EML4: variants seen among roughly 807,000 people sequenced by gnomAD.
EML4 encodes the protein EMAP like 4.
In EML4, 72 loss-of-function variants were observed where a neutral mutation model predicts 129.0. The ratio of observed to expected loss-of-function variants is 0.56; its 90% confidence interval spans 0.46 to 0.68. The LOEUF is 0.68. Among genes scored for constraint, EML4 ranks in the 30% least tolerant of loss-of-function variants. The pLI is 0.00. For missense variants in EML4, 1,363 were observed against 1,190.6 expected (o/e 1.14, Z -2.13); for synonymous variants, 532 against 405.0 (o/e 1.31, Z -3.77).
At chr2:42,210,670 A>G (rs1047648732) in intron 1 of EML4, among the ~76,000 whole-genome samples, 3 of 151,980 alleles carry the variant, frequency 2.0e-5, no homozygotes, top group African/African-American at 7.3e-5. Flanking sequence ...TTCAGTATGG[A>G]CTCATGGATA....
At chr2:42,247,064 A>G (rs1675452326) in intron 2 of EML4, among the ~76,000 whole-genome samples, 1 of 152,230 alleles carries the variant, frequency 6.6e-6, no homozygotes, top group South Asian at 2.1e-4. Flanking sequence ...GTTGAAGGCC[A>G]GTTTTAATTA....
chr2:42,280,400 T>A, intron 6 of EML4, among the ~76,000 whole-genome samples: 1 of 152,266 alleles, frequency 6.6e-6, no homozygotes. Flanking sequence ...TGTAATGTAG[T>A]TGGCCCTCTG....
chr2:42,263,985 T>A (rs773177714), intron 5 of EML4, among the ~76,000 whole-genome samples: 1 of 152,172 alleles, frequency 6.6e-6, no homozygotes, highest in Non-Finnish European at 1.5e-5. Context: ...TGCCTTGGCC[T>A]GCCAAAGTGC....
chr2:42,260,593 T>C (rs1665669040), intron 3 of EML4, among the ~76,000 whole-genome samples: 1 of 152,248 alleles, frequency 6.6e-6, no homozygotes, highest in Non-Finnish European at 1.5e-5. Flanking sequence ...ATTCTCTTTG[T>C]ATTTAATTAA....
chr2:42,264,904 T>G, intron 6 of EML4, 173 bp downstream of exon 6: 1 of 1,550,242 alleles, frequency 6.5e-7, no homozygotes, highest in Non-Finnish European at 8.7e-7. Flanking sequence ...GTAATGTCAT[T>G]TTTGTCTCAA....
At chr2:42,328,197 A>G (rs1380297588) in intron 21 of EML4, among the ~76,000 whole-genome samples, 1 of 152,236 alleles carries the variant, frequency 6.6e-6, no homozygotes, top group Non-Finnish European at 1.5e-5. Flanking sequence ...TCTCTAGAGT[A>G]GCATTCAACC....
chr2:42,202,593 T>C (rs1375335420), intron 1 of EML4, among the ~76,000 whole-genome samples: 2 of 152,312 alleles, frequency 1.3e-5, no homozygotes, highest in East Asian at 3.9e-4. Context: ...ACTTGGAGTC[T>C]GATGTTTGAG....
At chr2:42,284,827 A>G in intron 9 of EML4, 124 bp downstream of exon 9, 1 of 575,050 alleles carries the variant, frequency 1.7e-6, no homozygotes, top group Non-Finnish European at 2.9e-6. Context: ...AGGAATTTCT[A>G]GTATAAGCAT....
intron 2 of EML4, among the ~76,000 whole-genome samples, chr2:42,254,643 T>A: frequency 6.7e-6 from 1 of 148,520 alleles, no homozygotes. Flanking sequence ...AACCTGAAAA[T>A]AACAAGTGTT....
intron 1 of EML4, among the ~76,000 whole-genome samples, chr2:42,182,526 G>C (rs1187240083): frequency 6.6e-6 from 1 of 152,060 alleles, no homozygotes; most frequent in Non-Finnish European, 1.5e-5. Flanking sequence ...TTACACACTT[G>C]CCTTGCACTG....
intron 3 of EML4, among the ~76,000 whole-genome samples, chr2:42,260,139 A>G (rs1252847180): frequency 6.6e-6 from 1 of 151,622 alleles, no homozygotes; most frequent in Non-Finnish European, 1.5e-5. Context: ...TACTGGGATT[A>G]CAGGTGTGAG....
chr2:42,191,675 AT>A (rs1484858991), intron 1 of EML4, among the ~76,000 whole-genome samples: 1 of 152,234 alleles, frequency 6.6e-6, no homozygotes, highest in African/African-American at 2.4e-5. Context: ...ATTTAATTTT[AT>A]GCTCTTTTCA....
At chr2:42,212,135 C>T (rs72796530) in intron 1 of EML4, among the ~76,000 whole-genome samples, 10,286 of 152,144 alleles carry the variant, frequency 0.068, 432 homozygotes, top group South Asian at 0.15. Flanking sequence ...TGTGAGCTAC[C>T]GTGCCTGATC....
At chr2:42,319,459 T>C (rs554863903) in intron 19 of EML4, 4 of 152,366 alleles carry the variant, frequency 2.6e-5, no homozygotes, top group African/African-American at 9.6e-5. Flanking sequence ...AAGTTTGCAG[T>C]ACCGTTTGAG....
intron 13 of EML4, among the ~76,000 whole-genome samples, chr2:42,296,724 G>A (rs967302301): frequency 2.0e-5 from 3 of 152,154 alleles, no homozygotes; most frequent in African/African-American, 4.8e-5. Flanking sequence ...AGGAGTAAAA[G>A]TTGAGTAGTA....
intron 1 of EML4, among the ~76,000 whole-genome samples, chr2:42,224,302 G>A (rs566113641): frequency 1.7e-4 from 26 of 152,216 alleles, no homozygotes; most frequent in Middle Eastern, 3.4e-3. Context: ...GAATCATACA[G>A]TATGTAGTCT....
Position 42,332,032 on chromosome 2 carries a change from C to T in EML4, c.*1825C>T, listed in dbSNP as rs942557284. 1 of 222,452 alleles carries T rather than the reference C, an allele frequency of 4.5e-6. No homozygotes were observed. Among genetic ancestry groups the T allele is most frequent in the African/African-American group, 2.2e-5 (1 of 44,704 alleles). 13.8% of individuals were successfully genotyped at this position (222,452 alleles called of 1,614,324 possible). On this transcript the variant is annotated 3_prime_UTR_variant, in exon 23 of 23. Transcript: ENST00000318522. ...TTCTGTACATACTTATCGGAGCGCGCCAGTAAGTATCAGGCATATATATCT... is the reference window on the plus strand; with the variant it reads ...TTCTGTACATACTTATCGGAGCGCGTCAGTAAGTATCAGGCATATATATCT...
Position 42,256,635 on chromosome 2 carries a change from C to G in EML4, c.338+5C>G. 1 of 1,612,648 alleles carries G rather than the reference C, an allele frequency of 6.2e-7. No individual in the cohort carries two copies. Among genetic ancestry groups the G allele is most frequent in the Non-Finnish European group, 8.5e-7 (1 of 1,179,372 alleles). On this transcript the variant is annotated splice_donor_5th_base_variant and intron_variant, in intron 3 of 22. Transcript: ENST00000318522. Reference sequence around the variant, plus strand: ...TCTTTCATCTGCTGCTAAAAGGTACCCATTTATGAAAGGGGGAAAAACTAA... The same window carrying G: ...TCTTTCATCTGCTGCTAAAAGGTACGCATTTATGAAAGGGGGAAAAACTAA...
chr2:42,212,035 G>T (rs1230152083), intron 1 of EML4, among the ~76,000 whole-genome samples: 1 of 151,902 alleles, frequency 6.6e-6, no homozygotes, highest in Admixed American at 6.6e-5. Context: ...TAGTAGAGAT[G>T]GGGTTTTGCC....
Sources: allele counts gnomAD v4.1 joint callset (sites outside exome capture counted in the v4.1 genomes callset), GRCh38; gene constraint gnomAD v4.1.1; transcripts MANE v1.5; gene names NCBI Gene and HGNC (gene_info 2026-07-23, HGNC 2026-07-21).